The following MYO18A variants were observed in gnomAD, a reference collection of about 807,000 sequenced individuals.
The protein encoded by MYO18A is myosin XVIIIA, also known as unconventional myosin-XVIIIa.
Under a neutral mutation model 235.8 loss-of-function variants are expected in MYO18A, and 78 were observed. That is an observed-to-expected ratio of 0.33 (90% CI 0.28 to 0.40). MYO18A has a LOEUF of 0.40. MYO18A is among the 10% of genes least tolerant of loss of function. MYO18A has a pLI of 1.00. For missense variants in MYO18A, 2,215 were observed against 2,699.3 expected, an observed-to-expected ratio of 0.82 and a Z score of 3.98; for synonymous variants, 977 against 1,077.8, an observed-to-expected ratio of 0.91 and a Z score of 1.83.
Position 29,125,736 on chromosome 17 carries a change from T to C in MYO18A, c.1000-3483A>G, listed in dbSNP as rs2067304901. Among the ~76,000 whole-genome samples, 1 of 152,184 alleles carries C rather than the reference T, an allele frequency of 6.6e-6. No individual in the cohort carries two copies. The highest frequency in any genetic ancestry group is 2.4e-5 in the African/African-American group (1 of 41,450). ...GGAACCACTCTCCCCAGAGCACTTC[T>C]CTCATTTCTTTAAGAGAGAGCCCAA... is the stretch of plus-strand genomic sequence containing the variant. On this transcript the variant is annotated intron_variant, in intron 2 of 41. Coordinates refer to ENST00000527372, the MANE Select transcript of MYO18A (RefSeq NM_078471.4). The surrounding 1 kb of genome is among the most constrained non-coding windows in gnomAD (Gnocchi z 5.1).
intron 2 of MYO18A, among the ~76,000 whole-genome samples, chr17:29,153,138 T>C (rs2067993291): frequency 6.6e-6 from 1 of 152,124 alleles, no homozygotes. Context: ...TGCTTGTTTG[T>C]TTGAGACAGG....
intron 40 of MYO18A, among the ~76,000 whole-genome samples, chr17:29,084,536 C>T (rs1160402766): frequency 5.3e-5 from 8 of 152,174 alleles, no homozygotes; most frequent in Admixed American, 3.3e-4. Context: ...TTAAACCTCA[C>T]GTCAAATACA....
At chr17:29,175,010 C>G (rs2068491552) in intron 1 of MYO18A, among the ~76,000 whole-genome samples, 1 of 152,262 alleles carries the variant, frequency 6.6e-6, no homozygotes, top group East Asian at 1.9e-4. Context: ...ATTACATGTA[C>G]GTTGTGTACA....
chr17:29,159,544 A>G lies in MYO18A; in HGVS notation c.999+6398T>C, dbSNP rs79062354. ...AAAACAAAACAAAAACGCTCCAAGG[A>G]TCACTTGCAGTAAAATCAGGAACAG... is the stretch of plus-strand genomic sequence containing the variant. On this transcript the variant is annotated intron_variant, in intron 2 of 41. Transcript: ENST00000527372. Among the ~76,000 whole-genome samples the G allele has an allele frequency of 6.6e-5, 10 of 152,356 alleles. No individual in the cohort carries two copies. The East Asian group carries it at 1.3e-3, about 21-fold the overall frequency.
chr17:29,164,034 C>T (rs1360244936), intron 2 of MYO18A, among the ~76,000 whole-genome samples: 1 of 152,236 alleles, frequency 6.6e-6, no homozygotes, highest in Non-Finnish European at 1.5e-5. Context: ...GGATTACAGG[C>T]ATGCGCCACC....
At chr17:29,175,477 C>A (rs1337648195) in intron 1 of MYO18A, among the ~76,000 whole-genome samples, 1 of 151,334 alleles carries the variant, frequency 6.6e-6, no homozygotes, top group Admixed American at 6.6e-5. Context: ...ATCCTTCCCA[C>A]CGCAGCCTCC....
chr17:29,093,040 C>T (rs755834969), intron 32 of MYO18A, 39 bp from the exon 33 acceptor site: 13 of 1,598,572 alleles, frequency 8.1e-6, no homozygotes, highest in Non-Finnish European at 1.1e-5. Flanking sequence ...GGGCTCTGCA[C>T]AGGGCTTCCT....
chr17:29,162,203 C>G (rs2068188568), intron 2 of MYO18A, among the ~76,000 whole-genome samples: 1 of 152,204 alleles, frequency 6.6e-6, no homozygotes, highest in African/African-American at 2.4e-5. Context: ...TTTGCTACAC[C>G]CTAGAGCATG....
At chr17:29,127,785 G>A in intron 2 of MYO18A, 1 of 917,774 alleles carries the variant, frequency 1.1e-6, no homozygotes, top group Non-Finnish European at 1.3e-6. Context: ...GAAGCCGGCT[G>A]TGAGGGTGCC....
At chr17:29,089,556 A>C (rs1450304083) in intron 37 of MYO18A, among the ~76,000 whole-genome samples, 1 of 150,926 alleles carries the variant, frequency 6.6e-6, no homozygotes, top group Non-Finnish European at 1.5e-5. Flanking sequence ...GAAGCAGGGA[A>C]GGGGAGAGGA....
chr17:29,110,846 G>A (rs1338481115), intron 17 of MYO18A, among the ~76,000 whole-genome samples: 1 of 152,226 alleles, frequency 6.6e-6, no homozygotes, highest in East Asian at 1.9e-4. Context: ...CCAAGGGGTG[G>A]ACAGGAATCG....
At position 29,098,372 on chromosome 17, in the gene MYO18A, T is replaced by C. The variant is rs1164068196; in HGVS notation, c.3854A>G (p.Asp1285Gly). 5 of 1,613,744 alleles carry C rather than the reference T, an allele frequency of 3.1e-6. No homozygotes were observed. Among genetic ancestry groups the C allele is most frequent in the Middle Eastern group, 1.6e-4 (1 of 6,082 alleles). ...KERNELRLNS[D>G]RLESRISELT... ...GTCACTCACCCGGCTCTCCAGCCGGTCACTGTTGAGCCGCAGCTCGTTCCT... is the reference window on the plus strand; with the variant it reads ...GTCACTCACCCGGCTCTCCAGCCGGCCACTGTTGAGCCGCAGCTCGTTCCT... Residue 1285 changes from aspartate (D) to glycine (G), a missense_variant, in exon 24 of 42, where the codon GAC becomes GGC. By Grantham distance (94) the Asp-to-Gly change is moderately conservative (BLOSUM62 -1). Coordinates refer to ENST00000527372, the MANE Select transcript of MYO18A (RefSeq NM_078471.4).
At chr17:29,150,600 A>G (rs895354243) in intron 2 of MYO18A, among the ~76,000 whole-genome samples, 2 of 152,112 alleles carry the variant, frequency 1.3e-5, no homozygotes, top group African/African-American at 4.8e-5. Flanking sequence ...ACACCCAACT[A>G]TTTCTTTCTG....
At chr17:29,170,162 C>CAA (rs2068370079) in intron 1 of MYO18A, among the ~76,000 whole-genome samples, 1 of 152,212 alleles carries the variant, frequency 6.6e-6, no homozygotes, top group South Asian at 2.1e-4. Flanking sequence ...CCTGTGGACA[C>CAA]AGGTTAAGTT....
chr17:29,075,003 C>G, intron 41 of MYO18A, 89 bp from the exon 42 acceptor site: 1 of 1,499,530 alleles, frequency 6.7e-7, no homozygotes, highest in Admixed American at 1.8e-5. Context: ...CACAAAGCTG[C>G]GTCAGAGCAC....
At chr17:29,163,618 A>G (rs2068219852) in intron 2 of MYO18A, among the ~76,000 whole-genome samples, 2 of 152,230 alleles carry the variant, frequency 1.3e-5, no homozygotes, top group Admixed American at 6.5e-5. Flanking sequence ...AAGCTAAACC[A>G]TCTACTTCCC....
In MYO18A at chr17:29,169,433, C is replaced by T. The variant is rs535575005; in HGVS notation, c.-81-2412G>A. ...ATCTAGGGCCCAAAAGGCACACAGCCAGGGGCCTTGGCCAGGTAGGTCTGG... is the reference window on the plus strand; with the variant it reads ...ATCTAGGGCCCAAAAGGCACACAGCTAGGGGCCTTGGCCAGGTAGGTCTGG... On this transcript the variant is annotated intron_variant, in intron 1 of 41. Coordinates refer to ENST00000527372, the MANE Select transcript of MYO18A (RefSeq NM_078471.4). Among the ~76,000 whole-genome samples the T allele has an allele frequency of 8.5e-5, 13 of 152,236 alleles. No individual in the cohort carries two copies. The East Asian group carries it at 2.3e-3, about 27-fold the overall frequency.
In MYO18A at chr17:29,098,337, G is replaced by T. The variant is rs761001098; in HGVS notation, c.3870+19C>A. On this transcript the variant is annotated intron_variant, in intron 24 of 41. Transcript: ENST00000527372. ...CCCTGCAGCCATGCCCAGTCGGTGT[G>T]GTGCCAGGAGTCACTCACCCGGCTC... The T allele has an allele frequency of 1.9e-6, 3 of 1,612,456 alleles. No individual in the cohort carries two copies. Among genetic ancestry groups the T allele is most frequent in the Non-Finnish European group, 2.5e-6 (3 of 1,178,756 alleles).
At chr17:29,105,234 G>A (rs1324189761) in intron 20 of MYO18A, among the ~76,000 whole-genome samples, 1 of 151,336 alleles carries the variant, frequency 6.6e-6, no homozygotes, top group Non-Finnish European at 1.5e-5. Flanking sequence ...TGGAGGGCGT[G>A]AGGGATGAGA....
Sources: allele counts gnomAD v4.1 joint callset (sites outside exome capture counted in the v4.1 genomes callset), GRCh38; gene constraint gnomAD v4.1.1; non-coding constraint Gnocchi (gnomAD v3.1); transcripts MANE v1.5; gene names NCBI Gene and HGNC (gene_info 2026-07-23, HGNC 2026-07-21).